The following CFDP1 variants were observed in gnomAD, a reference collection of about 807,000 sequenced individuals.
CFDP1 encodes the protein chromatin remodeling protein CFDP1, also known as heterochromatin-stabilizing protein CFDP1.
In CFDP1, 31 loss-of-function variants were observed where a neutral mutation model predicts 40.1. That is an observed-to-expected ratio of 0.77 (90% CI 0.58 to 1.04). The LOEUF (loss-of-function observed/expected upper bound fraction) is 1.04. Ranked by LOEUF, CFDP1 falls within the 50% of genes least tolerant of loss-of-function variation. The pLI, the probability that CFDP1 is intolerant of heterozygous loss-of-function variation, is 0.00. For missense variants in CFDP1, 423 were observed against 343.4 expected (o/e 1.23, Z -1.83); for synonymous variants, 167 against 120.0 (o/e 1.39, Z -2.56).
At chr16:75,412,489 A>C (rs1567678110) in intron 3 of CFDP1, 46 bp downstream of exon 3, 2 of 1,387,632 alleles carry the variant, frequency 1.4e-6, no homozygotes, top group Non-Finnish European at 1.0e-6. Flanking sequence ...TCAGTAATGT[A>C]GGGTATTTCT....
intron 5 of CFDP1, among the ~76,000 whole-genome samples, chr16:75,333,877 T>A (rs1047172977): frequency 2.0e-5 from 3 of 152,232 alleles, no homozygotes; most frequent in Non-Finnish European, 2.9e-5. Flanking sequence ...TTACTTTTTT[T>A]GCTCTCTCCA....
At chr16:75,362,730 C>T (rs1406612244) in intron 5 of CFDP1, 2 of 152,172 alleles carry the variant, frequency 1.3e-5, no homozygotes, top group Non-Finnish European at 2.9e-5. Flanking sequence ...TTCAATGCAA[C>T]TGTAGTTCAC....
intron 5 of CFDP1, 182 bp downstream of exon 5, chr16:75,394,908 G>C: frequency 1.4e-6 from 1 of 707,810 alleles, no homozygotes; most frequent in African/African-American, 1.8e-5. Context: ...CAATCCTCCT[G>C]AGAAAGTTAT....
At chr16:75,422,972 C>G (rs1349190875) in intron 1 of CFDP1, among the ~76,000 whole-genome samples, 1 of 151,716 alleles carries the variant, frequency 6.6e-6, no homozygotes, top group African/African-American at 2.4e-5. Context: ...GGTGAGAGAC[C>G]TCATCTCTAC....
chr16:75,312,187 C>T (rs1481870664), intron 5 of CFDP1, among the ~76,000 whole-genome samples: 1 of 152,138 alleles, frequency 6.6e-6, no homozygotes, highest in East Asian at 1.9e-4. Context: ...TTAGACCCCT[C>T]AAGGAAATGG....
intron 5 of CFDP1, among the ~76,000 whole-genome samples, chr16:75,316,099 A>AT (rs35735574): frequency 0.21 from 32,372 of 151,944 alleles, 3,823 homozygotes; most frequent in African/African-American, 0.31. Flanking sequence ...CAGGTTAAAT[A>AT]TTTTTGCTGA....
intron 5 of CFDP1, among the ~76,000 whole-genome samples, chr16:75,373,859 T>A (rs2078771863): frequency 6.6e-6 from 1 of 152,192 alleles, no homozygotes; most frequent in African/African-American, 2.4e-5. Flanking sequence ...GTAGGAATTG[T>A]ATCATCTTTC....
At chr16:75,346,799 T>TCTCTG (rs1386043708) in intron 5 of CFDP1, among the ~76,000 whole-genome samples, 1 of 150,848 alleles carries the variant, frequency 6.6e-6, no homozygotes, top group African/African-American at 2.4e-5. Flanking sequence ...TTTGCCCCAT[T>TCTCTG]CCTCTTCTCT....
chr16:75,379,028 A>T (rs1475567508), intron 5 of CFDP1, among the ~76,000 whole-genome samples: 1 of 152,060 alleles, frequency 6.6e-6, no homozygotes, highest in Non-Finnish European at 1.5e-5. Context: ...CAAGGGAATT[A>T]AAAAAATAAT....
chr16:75,302,264 A>G (rs563089287), intron 6 of CFDP1, among the ~76,000 whole-genome samples: 1 of 152,050 alleles, frequency 6.6e-6, no homozygotes, highest in Admixed American at 6.5e-5. Context: ...TTTTAATTGA[A>G]AATTTTTATT....
intron 1 of CFDP1, among the ~76,000 whole-genome samples, chr16:75,417,142 G>C (rs2079216009): frequency 6.6e-6 from 1 of 152,096 alleles, no homozygotes; most frequent in African/African-American, 2.4e-5. Flanking sequence ...CTGCATTCCA[G>C]CCTGGGTGAC....
intron 5 of CFDP1, among the ~76,000 whole-genome samples, chr16:75,338,608 C>G (rs1436260641): frequency 6.6e-6 from 1 of 152,204 alleles, no homozygotes; most frequent in Non-Finnish European, 1.5e-5. Flanking sequence ...CAGCTGCTCA[C>G]TTTCCAGAGG....
intron 5 of CFDP1, among the ~76,000 whole-genome samples, chr16:75,323,429 T>C (rs1335937199): frequency 4.7e-5 from 7 of 149,464 alleles, no homozygotes; most frequent in African/African-American, 1.7e-4. Flanking sequence ...GCTGTTTTAC[T>C]TAACTTTTTT....
In CFDP1 at chr16:75,304,511, G is replaced by C. The variant is rs143712323; in HGVS notation, c.809+513C>G. On this transcript the variant is annotated intron_variant, in intron 6 of 6. Transcript: ENST00000283882. ...AGAAAGAGGTGCAAGTGATGGCCTG[G>C]GGTGCTGTCTGAGGGCCTGGCCTAT... is the stretch of plus-strand genomic sequence containing the variant. 2.1e-3 allele frequency among the ~76,000 whole-genome samples: 319 copies of C among 152,296 alleles called. 3 individuals carry two copies. The highest frequency in any genetic ancestry group is 3.8e-3 in the Admixed American group (58 of 15,290).
intron 4 of CFDP1, 65 bp downstream of exon 4, chr16:75,411,760 A>T: frequency 6.9e-7 from 1 of 1,457,420 alleles, no homozygotes; most frequent in Non-Finnish European, 9.5e-7. Flanking sequence ...GATGGCTAAC[A>T]CCAGTTAGAG....
chr16:75,330,977 A>AC (rs1215671505), intron 5 of CFDP1, among the ~76,000 whole-genome samples: 5 of 151,752 alleles, frequency 3.3e-5, no homozygotes, highest in East Asian at 1.9e-4. Flanking sequence ...AAAAAAAAAA[A>AC]AAAAAAAACA....
chr16:75,375,514 G>A (rs974789837), intron 5 of CFDP1, among the ~76,000 whole-genome samples: 3 of 152,240 alleles, frequency 2.0e-5, no homozygotes, highest in African/African-American at 7.2e-5. Flanking sequence ...TGACAAGGCT[G>A]GGCGCGGTGG....
At chr16:75,363,899 G>A (rs1206453938) in intron 5 of CFDP1, among the ~76,000 whole-genome samples, 1 of 150,324 alleles carries the variant, frequency 6.7e-6, no homozygotes, top group Non-Finnish European at 1.5e-5. Context: ...TTTGATTCAC[G>A]CCCTCAGGAA....
At chr16:75,319,950 T>G (rs1399123537) in intron 5 of CFDP1, among the ~76,000 whole-genome samples, 1 of 152,242 alleles carries the variant, frequency 6.6e-6, no homozygotes, top group Non-Finnish European at 1.5e-5. Context: ...TTTTACTGCA[T>G]GCAGGAAATG....
Sources: gnomAD v4.1 joint callset for allele counts (sites outside exome capture counted in the v4.1 genomes callset) on GRCh38, gnomAD v4.1.1 for gene constraint, MANE v1.5 for transcripts, NCBI Gene and HGNC (gene_info 2026-07-23, HGNC 2026-07-21) for gene names.